Variants in LONP1 observed in about 807,000 individuals in gnomAD.
The protein encoded by LONP1 is lon peptidase 1, mitochondrial, also known as lon protease homolog, mitochondrial.
LONP1 carries 31 observed loss-of-function variants against 98.5 expected under a neutral mutation model. That is an observed-to-expected ratio of 0.31 (90% CI 0.24 to 0.42). The LOEUF (loss-of-function observed/expected upper bound fraction) is 0.42, where lower values mean the gene tolerates loss of function less well. Among genes scored for constraint, LONP1 ranks in the 20% least tolerant of loss-of-function variants. The probability of loss-of-function intolerance (pLI) is 1.00; values close to 1 mark genes in which losing one functional copy is unlikely to be tolerated. For synonymous variants in LONP1, 781 were observed against 594.7 expected, an observed-to-expected ratio of 1.31 and a Z score of -4.56; for missense variants, 1,336 against 1,350.6, an observed-to-expected ratio of 0.99 and a Z score of 0.17.
Position 5,693,779 on chromosome 19 carries a change from G to C in LONP1, c.2321-10C>G. 2 of 1,611,010 alleles carry C rather than the reference G, an allele frequency of 1.2e-6. No homozygotes were observed. Among genetic ancestry groups the C allele is most frequent in the Non-Finnish European group, 1.7e-6 (2 of 1,178,736 alleles). ...AACAGCGTGGAGCCTCCTGAAACAG[G>C]TGTGGAGCTGTGAACACGGGAGGCC... On this transcript the variant is annotated splice_polypyrimidine_tract_variant and intron_variant, in intron 15 of 17. Transcript: ENST00000360614.
intron 7 of LONP1, 53 bp downstream of exon 7, chr19:5,707,007 G>A (rs2055155955): frequency 1.2e-5 from 18 of 1,460,124 alleles, no homozygotes; most frequent in South Asian, 8.2e-5. Flanking sequence ...CTGATGTCAC[G>A]TGGCCCGAGG....
rs755512692 is a variant in LONP1, at chr19:5,696,776, G to A, written c.1686-19C>T. 2.5e-6 allele frequency: 4 copies of A among 1,575,474 alleles called. No homozygotes were observed. The South Asian group carries it at 3.3e-5, about 13-fold the overall frequency. On this transcript the variant is annotated intron_variant, in intron 10 of 17. Coordinates refer to ENST00000360614, the MANE Select transcript of LONP1 (RefSeq NM_004793.4). ...GGTCCGCCTGTGGGTGCACAGCGGG[G>A]TCAGAGGTCACTTGGTAGCCTGGCT...
At chr19:5,706,183 C>A (rs2055142590) in intron 7 of LONP1, among the ~76,000 whole-genome samples, 191 bp from the exon 8 acceptor site, 1 of 152,142 alleles carries the variant, frequency 6.6e-6, no homozygotes, top group Non-Finnish European at 1.5e-5. Context: ...GTTACCCAGG[C>A]TGGAGTGCAA....
Position 5,691,853 on chromosome 19 carries a change from C to T in LONP1, c.*179G>A, listed in dbSNP as rs1454158006. 4.9e-6 allele frequency: 4 copies of T among 817,672 alleles called. No homozygotes were observed. The African/African-American group carries it at 5.1e-5, about 10-fold the overall frequency. The allele number at this position is 817,672 out of a possible 1,614,324, so 50.7% of individuals were successfully genotyped here. On this transcript the variant is annotated 3_prime_UTR_variant, in exon 18 of 18. Transcript: ENST00000360614. ...CCGCCGTACTGCAAATGACTTTAAT[C>T]ATTAAATAGCTTCTATGCCACACTC...
At position 5,691,854 on chromosome 19, in the gene LONP1, A is replaced by G; in HGVS notation, c.*178T>C. On this transcript the variant is annotated 3_prime_UTR_variant, in exon 18 of 18. Transcript: ENST00000360614. ...CGCCGTACTGCAAATGACTTTAATC[A>G]TTAAATAGCTTCTATGCCACACTCT... 1 of 822,406 alleles carries G rather than the reference A, an allele frequency of 1.2e-6. No homozygotes were observed. The highest frequency in any genetic ancestry group is 1.9e-6 in the Non-Finnish European group (1 of 532,232). The allele number at this position is 822,406 out of a possible 1,614,324, so 50.9% of individuals were successfully genotyped here.
chr19:5,709,478 G>A (rs929937109), intron 4 of LONP1, among the ~76,000 whole-genome samples: 1 of 152,092 alleles, frequency 6.6e-6, no homozygotes, highest in Non-Finnish European at 1.5e-5. Context: ...TCCAGTCTGA[G>A]TGACAGGGTG....
chr19:5,719,802 C>G lies in LONP1; in HGVS notation c.331G>C (p.Ala111Pro). 1 of 1,612,616 alleles carries G rather than the reference C, an allele frequency of 6.2e-7. No homozygotes were observed. Among genetic ancestry groups the G allele is most frequent in the Non-Finnish European group, 8.5e-7 (1 of 1,179,870 alleles). ...TCGGGGATCGTCATGGGCGTGAGCGCCGTTATGACCGGGCCTTCCCCGGCG... is the reference window on the plus strand; with the variant it reads ...TCGGGGATCGTCATGGGCGTGAGCGGCGTTATGACCGGGCCTTCCCCGGCG... ...AGAGEGPVIT[A>P]LTPMTIPDVF... The change falls in exon 1 of 18, where the codon GCG becomes CCG. Residue 111 changes from alanine to proline, a missense_variant. Physicochemically the swap from Ala to Pro is conservative, Grantham distance 27. This residue lies in a region of LONP1 where 457 missense variants were observed against 403.1 expected (regional missense o/e 1.13). Coordinates refer to ENST00000360614, the MANE Select transcript of LONP1 (RefSeq NM_004793.4).
At chr19:5,696,589 A>T in intron 11 of LONP1, 81 bp downstream of exon 11, 4 of 1,449,126 alleles carry the variant, frequency 2.8e-6, no homozygotes, top group Non-Finnish European at 3.8e-6. Context: ...TGGCTCGGGG[A>T]TCCTAGGACC....
rs183612376 is a variant in LONP1 at position 5,710,562 on chromosome 19, G to A, written c.870+1209C>T. Among the ~76,000 whole-genome samples the A allele has an allele frequency of 2.4e-3, 362 of 151,788 alleles. 2 individuals are homozygous for A. Among genetic ancestry groups the A allele is most frequent in the African/African-American group, 8.5e-3 (351 of 41,404 alleles). Reference sequence around the variant, plus strand: ...TGCCCAGGGATTTTATTTTTTTTGTGGAGACAGGGGTCTCAATATTGCCCA... The same window carrying A: ...TGCCCAGGGATTTTATTTTTTTTGTAGAGACAGGGGTCTCAATATTGCCCA... On this transcript the variant is annotated intron_variant, in intron 4 of 17. Coordinates refer to ENST00000360614, the MANE Select transcript of LONP1 (RefSeq NM_004793.4).
rs751577296 is a variant in LONP1, at chr19:5,699,149, G to A, written c.1563C>T (p.Phe521=). Reference sequence around the variant, plus strand: ...TCTTACCCACGCCAGGGGGGCCATAGAAGCAGAGGATCTTGCCCTGGGTGG... The same window carrying A: ...TCTTACCCACGCCAGGGGGGCCATAAAAGCAGAGGATCTTGCCCTGGGTGG... ...RGSTQGKILC[F]YGPPGVGKTS... Residue 521 remains phenylalanine (F), a synonymous_variant, in exon 10 of 18, where the codon TTC becomes TTT. Transcript: ENST00000360614. The A allele has an allele frequency of 1.3e-6, 2 of 1,555,342 alleles. No homozygotes were observed. The highest frequency in any genetic ancestry group is 2.7e-5 in the African/African-American group (2 of 73,016).
chr19:5,701,968 C>A (rs1167224684), intron 8 of LONP1, among the ~76,000 whole-genome samples: 1 of 149,966 alleles, frequency 6.7e-6, no homozygotes, highest in Non-Finnish European at 1.5e-5. Context: ...GGAAGAGCGT[C>A]TCTGCCCGGC....
chr19:5,707,617 G>A lies in LONP1; in HGVS notation c.1062+80C>T, dbSNP rs3737237. 0.13 allele frequency: 192,160 copies of A among 1,515,318 alleles called. 13,153 individuals are homozygous for A. The highest frequency in any genetic ancestry group is 0.16 in the Middle Eastern group (760 of 4,856). The allele number at this position is 1,515,318 out of a possible 1,614,324, so 93.9% of individuals were successfully genotyped here. Reference sequence around the variant, plus strand: ...GCATGGGGGAGCTGAGGAGGAACGGGGGCAGCCGGGCGTGGGCGGAGCATA... The same window carrying A: ...GCATGGGGGAGCTGAGGAGGAACGGAGGCAGCCGGGCGTGGGCGGAGCATA... On this transcript the variant is annotated intron_variant, in intron 6 of 17. Transcript: ENST00000360614.
chr19:5,694,228 C>T (rs568050544), intron 15 of LONP1, among the ~76,000 whole-genome samples, 159 bp downstream of exon 15: 12 of 152,292 alleles, frequency 7.9e-5, no homozygotes, highest in African/African-American at 2.6e-4. Context: ...GCCTTCCCCT[C>T]CCTCAGCCCA....
intron 15 of LONP1, among the ~76,000 whole-genome samples, chr19:5,694,045 C>G (rs901433987): frequency 6.6e-6 from 1 of 152,224 alleles, no homozygotes; most frequent in African/African-American, 2.4e-5. Context: ...GCCCTGCAGA[C>G]AGACACAAGC....
In LONP1 at chr19:5,694,960, G is replaced by A. The variant is rs903619412; in HGVS notation, c.2014-59C>T. 8.4e-6 allele frequency: 13 copies of A among 1,551,170 alleles called. No individual in the cohort carries two copies. In the East Asian group the frequency reaches 3.0e-4, roughly 36 times the overall value. On this transcript the variant is annotated intron_variant, in intron 13 of 17. Coordinates refer to ENST00000360614, the MANE Select transcript of LONP1 (RefSeq NM_004793.4). ...GGACCTTGCCCACCAGCTCAGTCTAGAACCTGGGAGCCAATGCCTCTCCCA... is the reference window on the plus strand; with the variant it reads ...GGACCTTGCCCACCAGCTCAGTCTAAAACCTGGGAGCCAATGCCTCTCCCA...
In LONP1 at chr19:5,696,558, T is replaced by C. The variant is rs1245984050; in HGVS notation, c.1773+112A>G. ...CCCGTCCGTGCCATCAGGGCCAGCA[T>C]CACGGCGATGGCCCCTGAGTTGGCT... On this transcript the variant is annotated intron_variant, in intron 11 of 17. Coordinates refer to ENST00000360614, the MANE Select transcript of LONP1 (RefSeq NM_004793.4). 3 of 1,295,816 alleles carry C rather than the reference T, an allele frequency of 2.3e-6. No homozygotes were observed. In the African/African-American group the frequency reaches 4.4e-5, roughly 19 times the overall value. The allele number at this position is 1,295,816 out of a possible 1,614,324, so 80.3% of individuals were successfully genotyped here. A position where few individuals can be genotyped will look rare whatever the true frequency, so the allele number is the denominator to read the frequency against.
chr19:5,708,395 A>G lies in LONP1; in HGVS notation c.879T>C (p.Thr293=), dbSNP rs2055181328. ...FQVTEEVKAL[T]AEIVKTIRDI... ...CCCGGATGGTCTTCACGATCTCTGCAGTCAGGGCCTGCCAAGTATGGGGCA... is the reference window on the plus strand; with the variant it reads ...CCCGGATGGTCTTCACGATCTCTGCGGTCAGGGCCTGCCAAGTATGGGGCA... Residue 293 remains threonine (T), a synonymous_variant, in exon 5 of 18, where the codon ACT becomes ACC. Transcript: ENST00000360614. 8.3e-7 allele frequency: 1 copy of G among 1,204,900 alleles called. No homozygotes were observed. 74.6% of individuals were successfully genotyped at this position (1,204,900 alleles called of 1,614,324 possible).
chr19:5,719,769 G>T lies in LONP1; in HGVS notation c.364C>A (p.Pro122Thr), dbSNP rs1402782864. The T allele has an allele frequency of 1.9e-6, 3 of 1,613,562 alleles. No individual in the cohort carries two copies. Among genetic ancestry groups the T allele is most frequent in the Non-Finnish European group, 8.5e-7 (1 of 1,180,016 alleles). Residue 122 changes from proline to threonine, a missense_variant, in exon 1 of 18, where the codon CCG (proline) becomes ACG (threonine). Transcript: ENST00000360614. The stretch of plus-strand genomic sequence containing the variant: ...GTGATGGCGATGAGCGGCAGGTGCG[G>T]AAACACATCGGGGATCGTCATGGGC... The part of the protein sequence containing the change: ...LTPMTIPDVF[P>T]HLPLIAITRN...
At chr19:5,705,195 G>A (rs2055124313) in intron 8 of LONP1, among the ~76,000 whole-genome samples, 2 of 151,088 alleles carry the variant, frequency 1.3e-5, no homozygotes, top group Non-Finnish European at 2.9e-5. Context: ...GGTGGCTCGC[G>A]CCTGTAATCC....
Sources: allele counts gnomAD v4.1 joint callset (sites outside exome capture counted in the v4.1 genomes callset), GRCh38; gene constraint gnomAD v4.1.1; regional missense constraint gnomAD v4.1.1; transcripts MANE v1.5; gene names NCBI Gene and HGNC (gene_info 2026-07-23, HGNC 2026-07-21).